The following ITGB1 variants were observed in gnomAD, a reference collection of about 807,000 sequenced individuals.
ITGB1 encodes integrin subunit beta 1, also known as integrin beta-1.
In ITGB1, 24 loss-of-function variants were observed where a neutral mutation model predicts 86.5. That is an observed-to-expected ratio of 0.28 (90% CI 0.20 to 0.39). The LOEUF is 0.39. Among genes scored for constraint, ITGB1 ranks in the 10% least tolerant of loss-of-function variants. The pLI is 1.00. For synonymous variants in ITGB1, 323 were observed against 316.8 expected, an observed-to-expected ratio of 1.02 and a Z score of -0.21; for missense variants, 556 against 946.9, an observed-to-expected ratio of 0.59 and a Z score of 5.42.
rs754063546 is a variant in ITGB1 at position 32,901,526 on chromosome 10, T to C, written c.*44A>G. ...AGCTACCTAACTGTGACTATGGAAA[T>C]TGCTACTTTGCATTCAGTGTTGTGG... On this transcript the variant is annotated 3_prime_UTR_variant, in exon 16 of 16. Transcript: ENST00000302278. 7 of 1,229,486 alleles carry C rather than the reference T, an allele frequency of 5.7e-6. No homozygotes were observed. The highest frequency in any genetic ancestry group is 5.3e-5 in the South Asian group (4 of 76,160). 76.2% of individuals were successfully genotyped at this position (1,229,486 alleles called of 1,614,324 possible).
At chr10:32,942,681 C>G (rs890448041) in intron 1 of ITGB1, among the ~76,000 whole-genome samples, 1 of 100,574 alleles carries the variant, frequency 9.9e-6, no homozygotes, top group South Asian at 3.0e-4. Flanking sequence ...CTCTCTCTCT[C>G]TCTTTTTTTT....
chr10:32,935,440 C>T (rs369986392), intron 2 of ITGB1, 52 bp downstream of exon 2: 4 of 1,119,322 alleles, frequency 3.6e-6, no homozygotes, highest in East Asian at 2.4e-5. Context: ...GGTCAAAGCG[C>T]AATACAAGAT....
chr10:32,910,268 C>T lies in ITGB1; in HGVS notation c.2119G>A (p.Val707Met), dbSNP rs750284821. 6.2e-7 allele frequency: 1 copy of T among 1,609,228 alleles called. No homozygotes were observed. Among genetic ancestry groups the T allele is most frequent in the South Asian group, 1.1e-5 (1 of 90,438 alleles). Reference protein sequence around the residue: ...DDCWFYFTYSVNGNNEVMVHV... With the variant: ...DDCWFYFTYSMNGNNEVMVHV... ...ACCATGACCTCGTTGTTCCCATTCA[C>T]TGAATACGTAAAATAGAACCAACAG... Residue 707 changes from valine (V) to methionine (M), a missense_variant, in exon 14 of 16, where the codon GTG becomes ATG. By Grantham distance (21) the Val-to-Met change is conservative. Coordinates refer to ENST00000302278, the MANE Select transcript of ITGB1 (RefSeq NM_002211.4).
In ITGB1 at chr10:32,911,700, G is replaced by A. The variant is rs745607596; in HGVS notation, c.1709-30C>T. Reference sequence around the variant, plus strand: ...AATTAAGCATATCATTTCTCAAAATGGTAAAAATATACAATCACAGTATTG... The same window carrying A: ...AATTAAGCATATCATTTCTCAAAATAGTAAAAATATACAATCACAGTATTG... On this transcript the variant is annotated intron_variant, in intron 12 of 15. Coordinates refer to ENST00000302278, the MANE Select transcript of ITGB1 (RefSeq NM_002211.4). The A allele has an allele frequency of 2.0e-5, 32 of 1,603,596 alleles. 1 individual carries two copies.
At chr10:32,937,121 CAT>C (rs2095004525) in intron 1 of ITGB1, among the ~76,000 whole-genome samples, 1 of 152,144 alleles carries the variant, frequency 6.6e-6, no homozygotes, top group Non-Finnish European at 1.5e-5. Context: ...AGGTGACACA[CAT>C]ATACACACAC....
Position 32,923,792 on chromosome 10 carries a change from A to G in ITGB1, c.787-52T>C, listed in dbSNP as rs763410244. The G allele has an allele frequency of 3.4e-6, 5 of 1,489,924 alleles. No individual in the cohort carries two copies. The Middle Eastern group carries it at 5.3e-4, about 157-fold the overall frequency. 92.3% of individuals were successfully genotyped at this position (1,489,924 alleles called of 1,614,324 possible). A position where few individuals can be genotyped will look rare whatever the true frequency, so the allele number is the denominator to read the frequency against. ...AAAACACTATTCACAGTAATTCAAC[A>G]AAAATCCTTTAATTTTCATATAGGC... On this transcript the variant is annotated intron_variant, in intron 6 of 15. Coordinates refer to ENST00000302278, the MANE Select transcript of ITGB1 (RefSeq NM_002211.4).
chr10:32,949,575 A>AT (rs1351081277), intron 1 of ITGB1, among the ~76,000 whole-genome samples: 1 of 152,128 alleles, frequency 6.6e-6, no homozygotes, highest in African/African-American at 2.4e-5. Context: ...CCTTAAGGTC[A>AT]TTTTTTACCA....
chr10:32,906,695 C>G (rs566584053), intron 15 of ITGB1: 1 of 228,038 alleles, frequency 4.4e-6, no homozygotes, highest in Admixed American at 5.9e-5. Context: ...ATTTCATATA[C>G]TGGAGTGCAT....
chr10:32,907,114 A>C (rs2094898726), intron 15 of ITGB1: 1 of 1,350,610 alleles, frequency 7.4e-7, no homozygotes, highest in South Asian at 1.2e-5. Flanking sequence ...TGAAATTATT[A>C]ATAGGACTCT....
At chr10:32,909,558 TG>T (rs1271379890) in intron 14 of ITGB1, among the ~76,000 whole-genome samples, 1 of 152,154 alleles carries the variant, frequency 6.6e-6, no homozygotes, top group East Asian at 1.9e-4. Flanking sequence ...AGACACAGGC[TG>T]GGAGACAATA....
chr10:32,929,312 G>A (rs1367570846), intron 4 of ITGB1, among the ~76,000 whole-genome samples: 4 of 152,126 alleles, frequency 2.6e-5, no homozygotes, highest in South Asian at 2.1e-4. Flanking sequence ...AGGAGGGGCC[G>A]GGAGGGAAGT....
intron 4 of ITGB1, among the ~76,000 whole-genome samples, chr10:32,929,615 G>A (rs541462339): frequency 9.9e-5 from 15 of 152,114 alleles, no homozygotes; most frequent in African/African-American, 3.6e-4. Flanking sequence ...TTGAATATTA[G>A]GCAACATTTA....
In ITGB1 at chr10:32,911,588, A is replaced by G; in HGVS notation, c.1791T>C (p.Ser597=). Residue 597 remains serine (S), a synonymous_variant, in exon 13 of 16, where the codon AGT becomes AGC. Coordinates refer to ENST00000302278, the MANE Select transcript of ITGB1 (RefSeq NM_002211.4). The stretch of plus-strand genomic sequence containing the variant: ...TCTGTCCGTTGCTGGCTTCACAAGT[A>G]CTAGTATCCAAAGAACAGTCACATG... The part of the protein sequence containing the change: ...GSACDCSLDT[S]TCEASNGQIC... The G allele has an allele frequency of 1.2e-6, 2 of 1,614,184 alleles. No homozygotes were observed. Among genetic ancestry groups the G allele is most frequent in the South Asian group, 1.1e-5 (1 of 91,090 alleles).
At chr10:32,910,183 C>A in intron 14 of ITGB1, 40 bp downstream of exon 14, 1 of 1,448,988 alleles carries the variant, frequency 6.9e-7, no homozygotes, top group South Asian at 1.2e-5. Context: ...ACAAGACATA[C>A]AAGATATGAA....
intron 1 of ITGB1, among the ~76,000 whole-genome samples, chr10:32,945,515 C>A (rs371621230): frequency 6.6e-6 from 1 of 151,956 alleles, no homozygotes. Flanking sequence ...AGGAGAATGG[C>A]GTGAACCTGG....
At chr10:32,914,959 A>C (rs1270936812) in intron 11 of ITGB1, among the ~76,000 whole-genome samples, 1 of 152,246 alleles carries the variant, frequency 6.6e-6, no homozygotes, top group Non-Finnish European at 1.5e-5. Flanking sequence ...AATTATAACA[A>C]ACTGTCTCTC....
intron 1 of ITGB1, among the ~76,000 whole-genome samples, chr10:32,947,066 C>T (rs1301375405): frequency 6.6e-6 from 1 of 152,082 alleles, no homozygotes; most frequent in African/African-American, 2.4e-5. Flanking sequence ...TGGTCTCAAA[C>T]TCCTGACCTC....
At position 32,922,311 on chromosome 10, in the gene ITGB1, T is replaced by C; in HGVS notation, c.1074A>G (p.Gly358=). ...LKNLIPKSAV[G]TLSANSSNVI... is the part of the protein sequence containing the mutation. ...CATTGCTAGAATTTGCAGATAATGT[T>C]CCTACTGCTGACTTAGGGATCAAGT... The change falls in exon 9 of 16, where the codon GGA becomes GGG. Residue 358 remains glycine, a synonymous_variant. Transcript: ENST00000302278. The C allele has an allele frequency of 6.2e-7, 1 of 1,610,162 alleles. No homozygotes were observed. The highest frequency in any genetic ancestry group is 8.5e-7 in the Non-Finnish European group (1 of 1,178,214).
chr10:32,940,400 AGTT>A (rs2095015575), intron 1 of ITGB1, among the ~76,000 whole-genome samples: 1 of 152,176 alleles, frequency 6.6e-6, no homozygotes, highest in African/African-American at 2.4e-5. Context: ...GCAGTAACAT[AGTT>A]GTTTATTATC....
Sources: gnomAD v4.1 joint callset for allele counts (sites outside exome capture counted in the v4.1 genomes callset) on GRCh38, gnomAD v4.1.1 for gene constraint, MANE v1.5 for transcripts, NCBI Gene and HGNC (gene_info 2026-07-23, HGNC 2026-07-21) for gene names.